KCNQ5: variants seen among roughly 807,000 people sequenced by gnomAD.
The protein encoded by KCNQ5 is potassium voltage-gated channel subfamily KQT member 5.
KCNQ5 carries 30 observed loss-of-function variants against 98.2 expected under a neutral mutation model. The ratio of observed to expected loss-of-function variants is 0.31; its 90% CI spans 0.23 to 0.41. KCNQ5 has a LOEUF of 0.41. KCNQ5 is among the 10% of genes least tolerant of loss of function. The probability of loss-of-function intolerance (pLI) is 1.00; values close to 1 mark genes in which losing one functional copy is unlikely to be tolerated. For synonymous variants in KCNQ5, 458 were observed against 449.4 expected, an observed-to-expected ratio of 1.02 and a Z score of -0.24; for missense variants, 835 against 1,182.5, an observed-to-expected ratio of 0.71 and a Z score of 4.31.
At chr6:72,906,248 C>T (rs560158357) in intron 1 of KCNQ5, among the ~76,000 whole-genome samples, 1 of 152,306 alleles carries the variant, frequency 6.6e-6, no homozygotes, top group Admixed American at 6.5e-5. Flanking sequence ...TCCCACCATG[C>T]CCCTGCTAGC....
chr6:72,654,239 T>G (rs1766027175), intron 1 of KCNQ5, among the ~76,000 whole-genome samples: 1 of 151,670 alleles, frequency 6.6e-6, no homozygotes, highest in African/African-American at 2.4e-5. Context: ...GTTGGGGGTT[T>G]GGGAATGAAG....
At chr6:72,844,002 G>A (rs549797343) in intron 1 of KCNQ5, among the ~76,000 whole-genome samples, 17 of 152,268 alleles carry the variant, frequency 1.1e-4, no homozygotes, top group African/African-American at 4.1e-4. Flanking sequence ...ACCAGGGCCT[G>A]TCAGTGGGCT....
At chr6:73,160,406 A>C (rs1023740088) in intron 10 of KCNQ5, among the ~76,000 whole-genome samples, 1 of 152,156 alleles carries the variant, frequency 6.6e-6, no homozygotes, top group Admixed American at 6.5e-5. Context: ...TCTTTAAAAG[A>C]GAAAGAGGGC....
At chr6:72,766,995 T>C (rs527327458) in intron 1 of KCNQ5, among the ~76,000 whole-genome samples, 2 of 152,086 alleles carry the variant, frequency 1.3e-5, no homozygotes, top group African/African-American at 2.4e-5. Context: ...AGAATGAATT[T>C]AAAATGTGCT....
intron 1 of KCNQ5, among the ~76,000 whole-genome samples, chr6:72,880,796 C>T (rs907981791): frequency 2.0e-5 from 3 of 152,098 alleles, no homozygotes; most frequent in African/African-American, 7.2e-5. Flanking sequence ...TTTATATTAT[C>T]TTGGATATTA....
At chr6:73,138,506 G>C (rs1306479993) in intron 10 of KCNQ5, among the ~76,000 whole-genome samples, 1 of 152,204 alleles carries the variant, frequency 6.6e-6, no homozygotes. Context: ...CTTGATATTA[G>C]CTAAACCCAA....
intron 1 of KCNQ5, among the ~76,000 whole-genome samples, chr6:72,988,687 G>A (rs1768948281): frequency 7.4e-6 from 1 of 134,424 alleles, no homozygotes; most frequent in Non-Finnish European, 1.6e-5. Flanking sequence ...TAAGTTTTAG[G>A]GTACATGTGC....
chr6:73,154,215 A>G (rs1777265627), intron 10 of KCNQ5, among the ~76,000 whole-genome samples: 1 of 152,100 alleles, frequency 6.6e-6, no homozygotes, highest in African/African-American at 2.4e-5. Flanking sequence ...TTTCTATGGG[A>G]ACTCAGTGAG....
At chr6:73,163,734 C>G (rs1169657151) in intron 10 of KCNQ5, among the ~76,000 whole-genome samples, 1 of 152,152 alleles carries the variant, frequency 6.6e-6, no homozygotes, top group Non-Finnish European at 1.5e-5. Context: ...GGCTAAAGAG[C>G]AAGACTCTGT....
At chr6:72,870,363 C>A (rs1165737636) in intron 1 of KCNQ5, among the ~76,000 whole-genome samples, 1 of 152,128 alleles carries the variant, frequency 6.6e-6, no homozygotes, top group Non-Finnish European at 1.5e-5. Context: ...GCAGCCTCAA[C>A]CTCCCAGGCT....
chr6:72,934,272 T>A (rs1472239179), intron 1 of KCNQ5, among the ~76,000 whole-genome samples: 4 of 152,204 alleles, frequency 2.6e-5, no homozygotes, highest in Non-Finnish European at 5.9e-5. Context: ...TGGCAACCTA[T>A]ATATATCAAT....
intron 1 of KCNQ5, among the ~76,000 whole-genome samples, chr6:72,887,723 T>C (rs1450848159): frequency 2.6e-5 from 4 of 152,090 alleles, no homozygotes; most frequent in Non-Finnish European, 5.9e-5. Flanking sequence ...GAGTTATGTA[T>C]GCATATTAGG....
intron 1 of KCNQ5, among the ~76,000 whole-genome samples, chr6:72,884,878 A>G (rs998465037): frequency 2.0e-5 from 3 of 152,146 alleles, no homozygotes; most frequent in Non-Finnish European, 4.4e-5. Flanking sequence ...TTGGCCTCCC[A>G]AATTGCTGGG....
chr6:72,997,336 T>G (rs1314710122), intron 1 of KCNQ5, among the ~76,000 whole-genome samples: 1 of 152,052 alleles, frequency 6.6e-6, no homozygotes, highest in African/African-American at 2.4e-5. Context: ...TCTCCTAGCT[T>G]TTTTACATTA....
chr6:72,670,829 A>G (rs1030895093), intron 1 of KCNQ5, among the ~76,000 whole-genome samples: 55 of 152,168 alleles, frequency 3.6e-4, no homozygotes, highest in Non-Finnish European at 1.5e-4. Flanking sequence ...ACTTACCTCA[A>G]TAGGTAAGGA....
At chr6:73,032,684 G>T (rs1771203606) in intron 2 of KCNQ5, among the ~76,000 whole-genome samples, 1 of 152,044 alleles carries the variant, frequency 6.6e-6, no homozygotes, top group Admixed American at 6.6e-5. Flanking sequence ...ACATATCTGG[G>T]TCCAGTTCAA....
chr6:73,142,254 G>C (rs564129353), intron 10 of KCNQ5, among the ~76,000 whole-genome samples: 4 of 152,258 alleles, frequency 2.6e-5, no homozygotes, highest in Admixed American at 6.5e-5. Flanking sequence ...GACTATACAG[G>C]GGGGTAATAC....
intron 1 of KCNQ5, among the ~76,000 whole-genome samples, chr6:72,962,017 A>G (rs1031868420): frequency 1.3e-5 from 2 of 151,434 alleles, no homozygotes; most frequent in African/African-American, 4.9e-5. Flanking sequence ...TATCAACAAA[A>G]AGTACAAAAA....
intron 1 of KCNQ5, among the ~76,000 whole-genome samples, chr6:72,891,752 C>T (rs889817914): frequency 6.6e-6 from 1 of 152,102 alleles, no homozygotes; most frequent in Non-Finnish European, 1.5e-5. Context: ...ATTTTAGATG[C>T]TGAATTTTAA....
Sources: allele counts gnomAD v4.1 joint callset (sites outside exome capture counted in the v4.1 genomes callset), GRCh38; gene constraint gnomAD v4.1.1; transcripts MANE v1.5; gene names NCBI Gene and HGNC (gene_info 2026-07-23, HGNC 2026-07-21).